The following PLCB4 variants were observed in gnomAD, a reference collection of about 807,000 sequenced individuals.
PLCB4 encodes 1-phosphatidylinositol 4,5-bisphosphate phosphodiesterase beta-4.
PLCB4 carries 77 observed loss-of-function variants against 178.8 expected under a neutral mutation model. The ratio of observed to expected loss-of-function variants is 0.43; its 90% CI spans 0.36 to 0.52. The LOEUF is 0.52. Among genes scored for constraint, PLCB4 ranks in the 20% least tolerant of loss-of-function variants. The probability of loss-of-function intolerance (pLI) is 0.00; values close to 1 mark genes in which losing one functional copy is unlikely to be tolerated. For synonymous variants in PLCB4, 496 were observed against 490.8 expected, an observed-to-expected ratio of 1.01 and a Z score of -0.14; for missense variants, 1,024 against 1,453.4, an observed-to-expected ratio of 0.70 and a Z score of 4.80.
chr20:9,302,583 T>A (rs2094718807), intron 3 of PLCB4, among the ~76,000 whole-genome samples: 1 of 152,166 alleles, frequency 6.6e-6, no homozygotes, highest in South Asian at 2.1e-4. Context: ...CTTACCTTGT[T>A]CTGAACCCCA....
chr20:9,255,148 G>A (rs1427576156), intron 3 of PLCB4, among the ~76,000 whole-genome samples: 1 of 152,088 alleles, frequency 6.6e-6, no homozygotes, highest in African/African-American at 2.4e-5. Flanking sequence ...CCTGTTAATG[G>A]TGCGCTCACC....
At chr20:9,418,854 T>C (rs953887119) in intron 25 of PLCB4, among the ~76,000 whole-genome samples, 1 of 152,132 alleles carries the variant, frequency 6.6e-6, no homozygotes, top group Non-Finnish European at 1.5e-5. Flanking sequence ...AACAGTGTTT[T>C]GTAGTTTTCA....
intron 2 of PLCB4, among the ~76,000 whole-genome samples, chr20:9,107,250 G>T (rs1475505556): frequency 6.6e-6 from 1 of 152,174 alleles, no homozygotes; most frequent in Non-Finnish European, 1.5e-5. Flanking sequence ...TATTCTAGGA[G>T]CTGGGGCTTC....
intron 2 of PLCB4, among the ~76,000 whole-genome samples, chr20:9,126,219 GT>G (rs1181301807): frequency 6.6e-6 from 1 of 151,884 alleles, no homozygotes; most frequent in Non-Finnish European, 1.5e-5. Context: ...GTCTAATATT[GT>G]AAACATTGTT....
intron 25 of PLCB4, among the ~76,000 whole-genome samples, chr20:9,411,548 C>CT (rs1274238267): frequency 6.6e-6 from 1 of 152,142 alleles, no homozygotes; most frequent in Admixed American, 6.5e-5. Context: ...TCTACTGATT[C>CT]TTTTTTGTGT....
Position 9,421,391 on chromosome 20 carries a change from T to C in PLCB4, c.2249T>C (p.Phe750Ser). ...GLPTDTIRKE[F>S]RTRMVMNNGL... is the part of the protein sequence containing the mutation. ...CCCACTGACACCATACGTAAGGAAT[T>C]CCGAACTCGCATGGTTATGAATAAT... is the stretch of plus-strand genomic sequence containing the variant. The change falls in exon 27 of 40, where the codon TTC becomes TCC. Residue 750 changes from phenylalanine to serine, a missense_variant. By Grantham distance (155) the Phe-to-Ser change is radical. Transcript: ENST00000378473. The C allele has an allele frequency of 6.2e-7, 1 of 1,613,944 alleles. No homozygotes were observed. The highest frequency in any genetic ancestry group is 8.5e-7 in the Non-Finnish European group (1 of 1,179,854).
chr20:9,338,169 C>T (rs2032724173), intron 6 of PLCB4, 102 bp downstream of exon 6: 3 of 754,160 alleles, frequency 4.0e-6, no homozygotes, highest in South Asian at 3.1e-5. Flanking sequence ...ATCCAGGCTA[C>T]TTAAAACATT....
chr20:9,099,955 G>A (rs2091077291), intron 2 of PLCB4, among the ~76,000 whole-genome samples: 1 of 152,108 alleles, frequency 6.6e-6, no homozygotes, highest in Admixed American at 6.5e-5. Flanking sequence ...TCCTGAATTT[G>A]GGGGCATTCG....
chr20:9,448,953 G>A (rs1352494005), intron 32 of PLCB4, among the ~76,000 whole-genome samples: 4 of 152,064 alleles, frequency 2.6e-5, no homozygotes, highest in Non-Finnish European at 4.4e-5. Flanking sequence ...AAGAAAAGAT[G>A]GGGGTAACGA....
At position 9,258,004 on chromosome 20, in the gene PLCB4, A is replaced by G. The variant is rs567424759; in HGVS notation, c.-16+40552A>G. ...ATGCAGAACTTTTCTAGAAAACAGA[A>G]CAAAGAACCAAGAGTTGGAAAAAAA... On this transcript the variant is annotated intron_variant, in intron 3 of 39. Transcript: ENST00000378473. Among the ~76,000 whole-genome samples, 4 of 152,316 alleles carry G rather than the reference A, an allele frequency of 2.6e-5. No individual in the cohort carries two copies. The East Asian group carries it at 7.7e-4, about 29-fold the overall frequency.
At chr20:9,353,754 C>T (rs74663882) in intron 7 of PLCB4, among the ~76,000 whole-genome samples, 1 of 152,314 alleles carries the variant, frequency 6.6e-6, no homozygotes, top group African/African-American at 2.4e-5. Context: ...GCCTCTGGCT[C>T]CTCCTGCTGC....
chr20:9,417,930 G>T (rs543229688), intron 25 of PLCB4, among the ~76,000 whole-genome samples: 2 of 152,010 alleles, frequency 1.3e-5, no homozygotes, highest in Admixed American at 1.3e-4. Flanking sequence ...TTGTGGTTTT[G>T]ATATTCATTT....
chr20:9,473,397 G>A, intron 38 of PLCB4, 32 bp downstream of exon 38: 1 of 1,292,522 alleles, frequency 7.7e-7, no homozygotes, highest in East Asian at 2.3e-5. Context: ...AAAACATGCA[G>A]GCAGCTAGCC....
At chr20:9,438,162 C>T (rs1280369045) in intron 30 of PLCB4, among the ~76,000 whole-genome samples, 2 of 151,920 alleles carry the variant, frequency 1.3e-5, no homozygotes, top group East Asian at 1.9e-4. Context: ...GTCAGGAGAT[C>T]GAGACCATCC....
chr20:9,415,408 T>C (rs2040174011), intron 25 of PLCB4, among the ~76,000 whole-genome samples: 2 of 152,232 alleles, frequency 1.3e-5, no homozygotes, highest in South Asian at 4.1e-4. Context: ...CATTTTGCTT[T>C]CTTGCAGCTA....
intron 9 of PLCB4, among the ~76,000 whole-genome samples, chr20:9,365,810 A>G (rs997623405): frequency 3.3e-5 from 5 of 152,156 alleles, no homozygotes; most frequent in African/African-American, 9.7e-5. Context: ...TTTAGGATTT[A>G]TGTTTCTTTT....
intron 2 of PLCB4, among the ~76,000 whole-genome samples, chr20:9,198,617 C>T (rs750697469): frequency 2.0e-5 from 3 of 152,156 alleles, no homozygotes; most frequent in Non-Finnish European, 4.4e-5. Flanking sequence ...ATGTAAGATG[C>T]AAATAAATGT....
At chr20:9,310,403 A>G (rs1173361935) in intron 4 of PLCB4, among the ~76,000 whole-genome samples, 1 of 152,148 alleles carries the variant, frequency 6.6e-6, no homozygotes, top group Non-Finnish European at 1.5e-5. Context: ...ATAAAATTGT[A>G]TTCCATGTAT....
At chr20:9,386,481 T>C (rs2037672831) in intron 14 of PLCB4, among the ~76,000 whole-genome samples, 2 of 151,920 alleles carry the variant, frequency 1.3e-5, no homozygotes, top group East Asian at 3.8e-4. Flanking sequence ...CAATACTTTA[T>C]TTTTTTAATT....
Sources: allele counts gnomAD v4.1 joint callset (sites outside exome capture counted in the v4.1 genomes callset), GRCh38; gene constraint gnomAD v4.1.1; transcripts MANE v1.5; gene names NCBI Gene and HGNC (gene_info 2026-07-23, HGNC 2026-07-21).